FREM1: variants seen among roughly 807,000 people sequenced by gnomAD.
FREM1 encodes the protein FRAS1 related extracellular matrix 1, also known as FRAS1-related extracellular matrix protein 1.
In FREM1, 220 loss-of-function variants were observed where a neutral mutation model predicts 210.1. The ratio of observed to expected loss-of-function variants is 1.05; its 90% CI spans 0.94 to 1.17. FREM1 has a LOEUF of 1.17. Ranked by LOEUF, FREM1 falls within the 50% of genes most tolerant of loss-of-function variation. The pLI, the probability that FREM1 is intolerant of heterozygous loss-of-function variation, is 0.00. For synonymous variants in FREM1, 1,189 were observed against 980.2 expected (o/e 1.21, Z -3.98); for missense variants, 3,454 against 2,675.5 (o/e 1.29, Z -6.42).
chr9:14,800,390 T>A (rs1431166223), intron 20 of FREM1, among the ~76,000 whole-genome samples: 1 of 152,206 alleles, frequency 6.6e-6, no homozygotes, highest in Non-Finnish European at 1.5e-5. Flanking sequence ...CACACTTTTC[T>A]CAGATTTTTA....
chr9:14,801,062 G>C (rs970270520), intron 20 of FREM1, among the ~76,000 whole-genome samples: 7 of 152,098 alleles, frequency 4.6e-5, no homozygotes, highest in African/African-American at 1.4e-4. Context: ...GCAGTGGCAC[G>C]ATCTCGGCTC....
chr9:14,789,943 T>A (rs958827827), intron 22 of FREM1, among the ~76,000 whole-genome samples: 1 of 152,242 alleles, frequency 6.6e-6, no homozygotes, highest in Non-Finnish European at 1.5e-5. Context: ...GAATGGCTCA[T>A]AAAAAGTCAT....
rs1447912445 is a variant in FREM1, at chr9:14,808,012, C to T, written c.3016G>A (p.Ala1006Thr). The T allele has an allele frequency of 1.2e-6, 2 of 1,613,852 alleles. No individual in the cohort carries two copies. Among genetic ancestry groups the T allele is most frequent in the Non-Finnish European group, 8.5e-7 (1 of 1,179,774 alleles). Reference sequence around the variant, plus strand: ...TTGAGATCATACACTGGAAAGGACGCATGAAGTGGAACAGATGGATTGGGT... The same window carrying T: ...TTGAGATCATACACTGGAAAGGACGTATGAAGTGGAACAGATGGATTGGGT... The part of the protein sequence containing the change: ...NGPNPSVPLH[A>T]SFPVYDLNIT... Residue 1006 changes from alanine to threonine, a missense_variant, in exon 17 of 37, where the codon GCG becomes ACG. Transcript: ENST00000380880.
intron 2 of FREM1, among the ~76,000 whole-genome samples, chr9:14,865,375 CTA>C (rs1347877547): frequency 2.0e-5 from 3 of 152,162 alleles, no homozygotes; most frequent in African/African-American, 7.2e-5. Context: ...ATCTAATTGA[CTA>C]TATCAAGAGG....
chr9:14,881,264 A>T (rs961649460), intron 1 of FREM1, among the ~76,000 whole-genome samples: 4 of 152,222 alleles, frequency 2.6e-5, no homozygotes, highest in East Asian at 3.8e-4. Context: ...TGGTCTTTGT[A>T]CATGTTGTGT....
In FREM1 at chr9:14,792,817, C is replaced by G. The variant is rs773049385; in HGVS notation, c.3907G>C (p.Asp1303His). 1 of 1,605,248 alleles carries G rather than the reference C, an allele frequency of 6.2e-7. No individual in the cohort carries two copies. The change falls in exon 22 of 37, where the codon GAT becomes CAT. Residue 1303 changes from aspartate to histidine, a missense_variant. Physicochemically the swap from Asp to His is moderately conservative, Grantham distance 81. Transcript: ENST00000380880. The stretch of plus-strand genomic sequence containing the variant: ...ATCTTCTCCCTGGGTGAGTCTTCAT[C>G]TATGGCTGAAAGAATAGCACTGGAA... ...IISSAILSAI[D>H]EDSPREKIYY...
intron 10 of FREM1, among the ~76,000 whole-genome samples, chr9:14,840,887 G>T (rs1825566634): frequency 6.6e-6 from 1 of 152,136 alleles, no homozygotes; most frequent in Non-Finnish European, 1.5e-5. Context: ...ATATCCTCTA[G>T]TGGTAGAAGA....
At position 14,750,156 on chromosome 9, in the gene FREM1, G is replaced by T; in HGVS notation, c.5528C>A (p.Ala1843Asp). ...VNAVLGTKTK[A>D]AVKILDSKGG... ...TTTTGAGTCCAAAATTTTCACTGCAGCTTTTGTCTTTGTGCCAAGAACTGC... is the reference window on the plus strand; with the variant it reads ...TTTTGAGTCCAAAATTTTCACTGCATCTTTTGTCTTTGTGCCAAGAACTGC... The change falls in exon 30 of 37, where the codon GCT becomes GAT. Residue 1843 changes from alanine to aspartate, a missense_variant. By Grantham distance (126) the Ala-to-Asp change is moderately radical. Coordinates refer to ENST00000380880, the MANE Select transcript of FREM1 (RefSeq NM_001379081.2). 1 of 1,613,724 alleles carries T rather than the reference G, an allele frequency of 6.2e-7. No homozygotes were observed. The highest frequency in any genetic ancestry group is 1.1e-5 in the South Asian group (1 of 91,008).
chr9:14,880,043 GA>G (rs765866390), intron 1 of FREM1, among the ~76,000 whole-genome samples: 13 of 152,102 alleles, frequency 8.5e-5, no homozygotes, highest in Non-Finnish European at 1.5e-5. Context: ...ATAAGGTCAT[GA>G]GGGTAGAGTC....
At chr9:14,903,927 C>G (rs1223911902) in intron 1 of FREM1, among the ~76,000 whole-genome samples, 3 of 151,970 alleles carry the variant, frequency 2.0e-5, no homozygotes, top group Non-Finnish European at 4.4e-5. Flanking sequence ...CAAGACCATC[C>G]TGGCTAACAC....
chr9:14,851,506 G>T lies in FREM1; in HGVS notation c.930C>A (p.Phe310Leu), dbSNP rs775835482. Residue 310 changes from phenylalanine (F) to leucine (L), a missense_variant, in exon 6 of 37, where the codon TTC becomes TTA. Phe to Leu is a conservative substitution (Grantham distance 22, BLOSUM62 0). Coordinates refer to ENST00000380880, the MANE Select transcript of FREM1 (RefSeq NM_001379081.2). ...MAVFILEVDQ[F>L]ILTSLTTSVL... The stretch of plus-strand genomic sequence containing the variant: ...CTGATGTAGTCAAGGAGGTCAGGAT[G>T]AACTGATCCACTTCCAGAATAAACA... 5.0e-6 allele frequency: 8 copies of T among 1,613,904 alleles called. No homozygotes were observed. Among genetic ancestry groups the T allele is most frequent in the Non-Finnish European group, 5.1e-6 (6 of 1,179,804 alleles).
intron 1 of FREM1, among the ~76,000 whole-genome samples, chr9:14,886,460 A>T (rs1820248366): frequency 6.6e-6 from 1 of 151,936 alleles, no homozygotes; most frequent in African/African-American, 2.4e-5. Flanking sequence ...AACTGAAAAT[A>T]GCCACTTCAG....
chr9:14,808,233 G>A, intron 16 of FREM1, 99 bp from the exon 17 acceptor site: 5 of 685,786 alleles, frequency 7.3e-6, no homozygotes, highest in African/African-American at 1.8e-5. Flanking sequence ...GAAACAGCAA[G>A]GAAAAGAAGT....
In FREM1 at chr9:14,852,508, C is replaced by T. The variant is rs534306690; in HGVS notation, c.829-901G>A. 4.1e-4 allele frequency among the ~76,000 whole-genome samples: 63 copies of T among 152,146 alleles called. 1 individual carries two copies. Among genetic ancestry groups the T allele is most frequent in the African/African-American group, 1.2e-3 (51 of 41,516 alleles). ...TTTGAGACCAGCCTAGGCAACAGAA[C>T]GAGACCCTATCTCTACAAAAAAAGT... On this transcript the variant is annotated intron_variant, in intron 5 of 36. Coordinates refer to ENST00000380880, the MANE Select transcript of FREM1 (RefSeq NM_001379081.2).
intron 29 of FREM1, 26 bp from the exon 30 acceptor site, chr9:14,750,302 CT>C (rs1206033258): frequency 6.4e-7 from 1 of 1,564,726 alleles, no homozygotes; most frequent in African/African-American, 1.4e-5. Context: ...ATTTTAATTA[CT>C]CTTTAATTGC....
At chr9:14,857,028 T>C (rs1014847137) in intron 5 of FREM1, among the ~76,000 whole-genome samples, 1 of 152,040 alleles carries the variant, frequency 6.6e-6, no homozygotes, top group African/African-American at 2.4e-5. Context: ...TTAAAAGAGA[T>C]TGGAAGACGC....
At position 14,848,744 on chromosome 9, in the gene FREM1, AAAG is replaced by A. The variant is rs1424711031; in HGVS notation, c.1179_1181del (p.Phe394del). 4 of 1,612,504 alleles carry A rather than the reference AAAG, an allele frequency of 2.5e-6. No individual in the cohort carries two copies. The highest frequency in any genetic ancestry group is 2.7e-5 in the African/African-American group (2 of 74,902). On this transcript the variant is annotated inframe_deletion, in exon 7 of 37. Transcript: ENST00000380880. ...GGACTGTCATAGGTGCACTCCTTTCAAAGAAGAAGTCGTATACCTCCAATTCTA... is the reference window on the plus strand; with the variant it reads ...GGACTGTCATAGGTGCACTCCTTTCAAAGAAGTCGTATACCTCCAATTCTA...
At chr9:14,797,433 C>A in intron 21 of FREM1, 65 bp downstream of exon 21, 1 of 1,372,230 alleles carries the variant, frequency 7.3e-7, no homozygotes, top group Non-Finnish European at 1.0e-6. Flanking sequence ...CACACCTGTA[C>A]CTAGTATTGT....
chr9:14,824,277 G>A (rs1437528046), intron 11 of FREM1, among the ~76,000 whole-genome samples, 162 bp from the exon 12 acceptor site: 4 of 152,146 alleles, frequency 2.6e-5, no homozygotes, highest in African/African-American at 4.8e-5. Flanking sequence ...ATTAAGTCCA[G>A]TTTCATCAAC....
Sources: allele counts gnomAD v4.1 joint callset (sites outside exome capture counted in the v4.1 genomes callset), GRCh38; gene constraint gnomAD v4.1.1; transcripts MANE v1.5; gene names NCBI Gene and HGNC (gene_info 2026-07-23, HGNC 2026-07-21).